Variants in FBXW8 observed in about 807,000 individuals in gnomAD.
FBXW8 encodes F-box/WD repeat-containing protein 8.
In FBXW8, 57 loss-of-function variants were observed where a neutral mutation model predicts 65.3. The ratio of observed to expected loss-of-function variants is 0.87; its 90% CI spans 0.71 to 1.09. The LOEUF (loss-of-function observed/expected upper bound fraction) is 1.09. Among genes scored for constraint, FBXW8 ranks in the 50% least tolerant of loss-of-function variants. FBXW8 has a pLI of 0.00. For missense variants in FBXW8, 777 were observed against 814.8 expected, an observed-to-expected ratio of 0.95 and a Z score of 0.57; for synonymous variants, 308 against 330.2, an observed-to-expected ratio of 0.93 and a Z score of 0.73.
At chr12:117,016,563 G>T (rs184126743) in intron 8 of FBXW8, among the ~76,000 whole-genome samples, 2 of 151,496 alleles carry the variant, frequency 1.3e-5, no homozygotes, top group African/African-American at 4.9e-5. Flanking sequence ...CTCCCATTCT[G>T]TGGGTTGTCT....
chr12:116,917,234 G>T (rs1880501336), intron 1 of FBXW8, among the ~76,000 whole-genome samples: 1 of 152,168 alleles, frequency 6.6e-6, no homozygotes, highest in African/African-American at 2.4e-5. Context: ...TAAGATTTTA[G>T]GTGCTAACAT....
At position 116,982,389 on chromosome 12, in the gene FBXW8, C is replaced by T. The variant is rs188389032; in HGVS notation, c.836-2817C>T. 3.9e-4 allele frequency among the ~76,000 whole-genome samples: 59 copies of T among 152,160 alleles called. 2 individuals are homozygous for T. Among genetic ancestry groups the T allele is most frequent in the Middle Eastern group, 3.4e-3 (1 of 294 alleles). ...CAAAGACTATAGTAACCAGGGATACCGAGGGACTTTGCCTGTGATAAAGAA... is the reference window on the plus strand; with the variant it reads ...CAAAGACTATAGTAACCAGGGATACTGAGGGACTTTGCCTGTGATAAAGAA... On this transcript the variant is annotated intron_variant, in intron 5 of 10. Coordinates refer to ENST00000652555, the MANE Select transcript of FBXW8 (RefSeq NM_153348.3).
intron 1 of FBXW8, among the ~76,000 whole-genome samples, chr12:116,925,175 T>G (rs1279515149): frequency 1.3e-5 from 2 of 151,812 alleles, no homozygotes; most frequent in Non-Finnish European, 2.9e-5. Context: ...GGTCCTGAAC[T>G]GAGCAAGGGG....
chr12:117,005,364 C>A (rs1432688012), intron 7 of FBXW8, among the ~76,000 whole-genome samples: 1 of 152,214 alleles, frequency 6.6e-6, no homozygotes, highest in Non-Finnish European at 1.5e-5. Flanking sequence ...CTGGCATGTA[C>A]TGCCCTTTAA....
chr12:116,921,151 A>G (rs1218197721), intron 1 of FBXW8, among the ~76,000 whole-genome samples: 1 of 152,184 alleles, frequency 6.6e-6, no homozygotes, highest in Non-Finnish European at 1.5e-5. Context: ...ATATGTCTTG[A>G]AGCTGGAAAG....
At chr12:117,023,538 A>T (rs1368444371) in intron 8 of FBXW8, among the ~76,000 whole-genome samples, 1 of 152,178 alleles carries the variant, frequency 6.6e-6, no homozygotes, top group African/African-American at 2.4e-5. Context: ...AGAGGTTCTT[A>T]AAGAAATGGG....
At chr12:116,994,465 G>A (rs1208502614) in intron 7 of FBXW8, among the ~76,000 whole-genome samples, 1 of 152,170 alleles carries the variant, frequency 6.6e-6, no homozygotes, top group African/African-American at 2.4e-5. Context: ...GTGGTGGGAG[G>A]ACTCCTTCCC....
Position 116,989,997 on chromosome 12 carries a change from C to T in FBXW8, c.1239+1128C>T, listed in dbSNP as rs191747731. Among the ~76,000 whole-genome samples the T allele has an allele frequency of 7.2e-5, 11 of 152,350 alleles. No homozygotes were observed. The East Asian group carries it at 9.6e-4, about 13-fold the overall frequency. ...CTGAACCTCCCGTTATTCCTCCCAC[C>T]CATAGTTGGATTCCAGCCTCTGGTG... On this transcript the variant is annotated intron_variant, in intron 7 of 10. Transcript: ENST00000652555.
intron 7 of FBXW8, among the ~76,000 whole-genome samples, chr12:116,990,586 G>A (rs1363227364): frequency 6.6e-6 from 1 of 151,968 alleles, no homozygotes; most frequent in Admixed American, 6.6e-5. Flanking sequence ...GTTATATTCA[G>A]TACCAGTCTG....
At chr12:117,020,004 A>G (rs1010336064) in intron 8 of FBXW8, among the ~76,000 whole-genome samples, 2 of 152,142 alleles carry the variant, frequency 1.3e-5, no homozygotes, top group Admixed American at 6.5e-5. Flanking sequence ...AGCCTCCCTC[A>G]TTGCGACTGC....
chr12:116,954,458 CA>C (rs1323688823), intron 4 of FBXW8, among the ~76,000 whole-genome samples: 1 of 152,128 alleles, frequency 6.6e-6, no homozygotes, highest in Non-Finnish European at 1.5e-5. Flanking sequence ...ACATTAAGGT[CA>C]TTTCCTGTGT....
At chr12:116,957,485 C>T (rs778879336) in intron 4 of FBXW8, among the ~76,000 whole-genome samples, 1 of 152,138 alleles carries the variant, frequency 6.6e-6, no homozygotes, top group Non-Finnish European at 1.5e-5. Context: ...CCTCAAGGAT[C>T]GTGTTTCCAA....
intron 2 of FBXW8, among the ~76,000 whole-genome samples, chr12:116,937,300 G>A (rs1364085557): frequency 2.0e-5 from 3 of 152,174 alleles, no homozygotes; most frequent in Non-Finnish European, 4.4e-5. Flanking sequence ...GAAGCTGTCA[G>A]CCACATTGAT....
chr12:116,957,071 G>A (rs537691759), intron 4 of FBXW8, among the ~76,000 whole-genome samples: 2 of 151,956 alleles, frequency 1.3e-5, no homozygotes, highest in South Asian at 4.2e-4. Context: ...GTTATTAGCC[G>A]GGCACAGTGG....
intron 5 of FBXW8, chr12:116,977,589 C>G (rs979885588): frequency 6.6e-6 from 1 of 152,268 alleles, no homozygotes; most frequent in Non-Finnish European, 1.5e-5. Flanking sequence ...TTCCCCACTC[C>G]CCTCCTTAGA....
At chr12:116,982,795 T>G (rs1283070505) in intron 5 of FBXW8, among the ~76,000 whole-genome samples, 3 of 152,144 alleles carry the variant, frequency 2.0e-5, no homozygotes. Flanking sequence ...CATGTGTGCT[T>G]AGAGTGAGCT....
intron 1 of FBXW8, among the ~76,000 whole-genome samples, chr12:116,920,951 G>A (rs559018622): frequency 2.0e-4 from 30 of 152,040 alleles, no homozygotes; most frequent in African/African-American, 6.5e-4. Context: ...TTCTCTCCTC[G>A]CCATGTCCTA....
In FBXW8 at chr12:117,029,051, A is replaced by C. The variant is rs1954302014; in HGVS notation, c.*879A>C. 1 of 152,266 alleles carries C rather than the reference A, an allele frequency of 6.6e-6. No homozygotes were observed. The highest frequency in any genetic ancestry group is 1.5e-5 in the Non-Finnish European group (1 of 68,052). The allele number at this position is 152,266 out of a possible 1,614,324, so 9.4% of individuals were successfully genotyped here. ...ATAAAATCCATTCTCACGGCAGGCAAATCAGTGAGAAAAATGTAAAGATCT... is the reference window on the plus strand; with the variant it reads ...ATAAAATCCATTCTCACGGCAGGCACATCAGTGAGAAAAATGTAAAGATCT... On this transcript the variant is annotated 3_prime_UTR_variant, in exon 11 of 11. Coordinates refer to ENST00000652555, the MANE Select transcript of FBXW8 (RefSeq NM_153348.3).
chr12:116,989,337 G>T (rs555531476), intron 7 of FBXW8, among the ~76,000 whole-genome samples: 4 of 152,298 alleles, frequency 2.6e-5, no homozygotes, highest in African/African-American at 9.6e-5. Flanking sequence ...TAGGTGTTTA[G>T]CTTGCTTTCA....
Sources: gnomAD v4.1 joint callset for allele counts (sites outside exome capture counted in the v4.1 genomes callset) on GRCh38, gnomAD v4.1.1 for gene constraint, MANE v1.5 for transcripts, NCBI Gene and HGNC (gene_info 2026-07-23, HGNC 2026-07-21) for gene names.